The following PARP8 variants were observed in gnomAD, a reference collection of about 807,000 sequenced individuals.
The protein encoded by PARP8 is protein mono-ADP-ribosyltransferase PARP8.
In PARP8, 51 loss-of-function variants were observed where a neutral mutation model predicts 124.1. The ratio of observed to expected loss-of-function variants is 0.41; its 90% CI spans 0.33 to 0.52. PARP8 has a LOEUF of 0.52. Ranked by LOEUF, PARP8 falls within the 20% of genes least tolerant of loss-of-function variation. PARP8 has a pLI of 0.21. For missense variants in PARP8, 860 were observed against 1,018.9 expected (o/e 0.84, Z 2.12); for synonymous variants, 391 against 361.5 (o/e 1.08, Z -0.93).
chr5:50,841,784 A>G (rs1580532227), intron 25 of PARP8, among the ~76,000 whole-genome samples, 182 bp from the exon 26 acceptor site: 1 of 151,866 alleles, frequency 6.6e-6, no homozygotes. Context: ...TAGGCATGAC[A>G]TAGAATGGGC....
chr5:50,769,586 T>C (rs2149591553), intron 7 of PARP8, among the ~76,000 whole-genome samples: 1 of 152,008 alleles, frequency 6.6e-6, no homozygotes, highest in South Asian at 2.1e-4. Context: ...CACATAGATT[T>C]TTTTTATCCA....
intron 3 of PARP8, among the ~76,000 whole-genome samples, chr5:50,750,704 A>G (rs1016851374): frequency 1.1e-4 from 17 of 152,096 alleles, no homozygotes; most frequent in African/African-American, 4.1e-4. Flanking sequence ...ACCATTTTAT[A>G]AGATCGTTAC....
At chr5:50,727,819 G>T (rs535493042) in intron 2 of PARP8, among the ~76,000 whole-genome samples, 1 of 152,250 alleles carries the variant, frequency 6.6e-6, no homozygotes, top group South Asian at 2.1e-4. Context: ...GTCAAGTTAT[G>T]GGGCCCTTAT....
chr5:50,698,173 T>G (rs1753228033), intron 2 of PARP8, among the ~76,000 whole-genome samples: 1 of 152,210 alleles, frequency 6.6e-6, no homozygotes, highest in South Asian at 2.1e-4. Flanking sequence ...AATACACGAG[T>G]TAATAAATGA....
intron 4 of PARP8, 33 bp from the exon 5 acceptor site, chr5:50,760,259 C>G (rs781686661): frequency 1.4e-6 from 2 of 1,444,410 alleles, no homozygotes; most frequent in East Asian, 4.9e-5. Flanking sequence ...TACTAAGTAT[C>G]ATAATATTTT....
At chr5:50,807,707 G>A (rs1336542826) in intron 14 of PARP8, among the ~76,000 whole-genome samples, 1 of 152,050 alleles carries the variant, frequency 6.6e-6, no homozygotes, top group African/African-American at 2.4e-5. Context: ...AGAAAACCAT[G>A]TGGTTATGTG....
chr5:50,790,499 T>A (rs1052256989), intron 10 of PARP8, among the ~76,000 whole-genome samples: 7 of 152,134 alleles, frequency 4.6e-5, no homozygotes, highest in African/African-American at 1.7e-4. Context: ...TCACTCAATT[T>A]CCTCCCTTGT....
intron 2 of PARP8, among the ~76,000 whole-genome samples, chr5:50,733,038 A>G (rs1757132112): frequency 1.3e-5 from 2 of 151,830 alleles, no homozygotes; most frequent in South Asian, 4.2e-4. Flanking sequence ...GCGGTGGCTC[A>G]TGCCTGTAAT....
At chr5:50,817,201 C>T (rs1361121206) in intron 15 of PARP8, among the ~76,000 whole-genome samples, 1 of 152,052 alleles carries the variant, frequency 6.6e-6, no homozygotes, top group South Asian at 2.1e-4. Context: ...ATTGTTACAT[C>T]ATAAAATTAA....
chr5:50,831,318 A>G (rs980917308), intron 22 of PARP8, among the ~76,000 whole-genome samples: 4 of 152,158 alleles, frequency 2.6e-5, no homozygotes, highest in Non-Finnish European at 5.9e-5. Flanking sequence ...GGACCTGGCT[A>G]AGTGATTCTT....
intron 22 of PARP8, among the ~76,000 whole-genome samples, chr5:50,832,457 T>G (rs1325002250): frequency 6.6e-6 from 1 of 152,200 alleles, no homozygotes; most frequent in Non-Finnish European, 1.5e-5. Context: ...CTTTATTTTC[T>G]CCTTCTCCTA....
chr5:50,719,950 CCTGTAGTGT>C (rs1490063094), intron 2 of PARP8, among the ~76,000 whole-genome samples: 1 of 151,858 alleles, frequency 6.6e-6, no homozygotes, highest in Non-Finnish European at 1.5e-5. Context: ...CTTAAGAGAA[CCTGTAGTGT>C]CTTGTCAGGT....
At chr5:50,701,898 A>G (rs1753637114) in intron 2 of PARP8, among the ~76,000 whole-genome samples, 1 of 152,114 alleles carries the variant, frequency 6.6e-6, no homozygotes. Context: ...TTGTTTTAAA[A>G]CTTCAAGAAT....
chr5:50,735,565 G>T (rs1310369869), intron 2 of PARP8, among the ~76,000 whole-genome samples: 1 of 152,070 alleles, frequency 6.6e-6, no homozygotes, highest in Non-Finnish European at 1.5e-5. Flanking sequence ...ATTGGATTCA[G>T]GTTGTTTATC....
chr5:50,723,452 G>A (rs1756114276), intron 2 of PARP8, among the ~76,000 whole-genome samples: 1 of 152,012 alleles, frequency 6.6e-6, no homozygotes, highest in Non-Finnish European at 1.5e-5. Flanking sequence ...TGAGTGTTTG[G>A]ATATCAAAGA....
chr5:50,822,410 T>A lies in PARP8; in HGVS notation c.1860+10T>A, dbSNP rs551671195. ...CAGAGAAATGACACAAGTAAGTATGTCATCTGGTCTTGTACAGTATATTTT... is the reference window on the plus strand; with the variant it reads ...CAGAGAAATGACACAAGTAAGTATGACATCTGGTCTTGTACAGTATATTTT... On this transcript the variant is annotated intron_variant, in intron 17 of 25. Coordinates refer to ENST00000281631, the MANE Select transcript of PARP8 (RefSeq NM_024615.4). 20 of 1,590,706 alleles carry A rather than the reference T, an allele frequency of 1.3e-5. No individual in the cohort carries two copies. Among genetic ancestry groups the A allele is most frequent in the Non-Finnish European group, 1.5e-5 (17 of 1,158,968 alleles).
rs181830686 is a variant in PARP8 at position 50,687,299 on chromosome 5, T to C, written c.146+19174T>C. 3.7e-4 allele frequency among the ~76,000 whole-genome samples: 57 copies of C among 152,298 alleles called. No individual in the cohort carries two copies. In the East Asian group the frequency reaches 0.011, roughly 29 times the overall value. On this transcript the variant is annotated intron_variant, in intron 2 of 25. Transcript: ENST00000281631. ...CTAAAACGTAACGAGTCACCTTCGCTCCAGTCCCCAACAAGTTTCTCATCT... is the reference window on the plus strand; with the variant it reads ...CTAAAACGTAACGAGTCACCTTCGCCCCAGTCCCCAACAAGTTTCTCATCT...
At chr5:50,684,402 TA>T (rs1332906250) in intron 2 of PARP8, among the ~76,000 whole-genome samples, 1 of 151,204 alleles carries the variant, frequency 6.6e-6, no homozygotes, top group East Asian at 1.9e-4. Flanking sequence ...AATGCAGTCT[TA>T]GATGAAAATC....
intron 15 of PARP8, among the ~76,000 whole-genome samples, chr5:50,819,556 T>G (rs1745524421): frequency 7.0e-6 from 1 of 143,134 alleles, no homozygotes; most frequent in Admixed American, 7.2e-5. Context: ...TACTCCTGCC[T>G]CAGCCACCCG....
Sources: gnomAD v4.1 joint callset for allele counts (sites outside exome capture counted in the v4.1 genomes callset) on GRCh38, gnomAD v4.1.1 for gene constraint, MANE v1.5 for transcripts, NCBI Gene and HGNC (gene_info 2026-07-23, HGNC 2026-07-21) for gene names.